Variants in SSUH2 observed in about 807,000 individuals in gnomAD.
SSUH2 encodes protein SSUH2 homolog.
In SSUH2, 47 loss-of-function variants were observed where a neutral mutation model predicts 55.3. The ratio of observed to expected loss-of-function variants is 0.85; its 90% CI spans 0.67 to 1.08. The LOEUF is 1.08. Ranked by LOEUF, SSUH2 falls within the 50% of genes least tolerant of loss-of-function variation. The pLI is 0.00. For missense variants in SSUH2, 535 were observed against 490.7 expected, an observed-to-expected ratio of 1.09 and a Z score of -0.85; for synonymous variants, 212 against 191.5, an observed-to-expected ratio of 1.11 and a Z score of -0.89.
intron 1 of SSUH2, among the ~76,000 whole-genome samples, chr3:8,680,813 T>G (rs750379252): frequency 6.6e-6 from 1 of 152,038 alleles, no homozygotes; most frequent in African/African-American, 2.4e-5. Flanking sequence ...GAAAGAATAT[T>G]GCAGGGTGGG....
chr3:8,621,928 CA>C lies in SSUH2; in HGVS notation c.981+1620del, dbSNP rs370238820. The stretch of plus-strand genomic sequence containing the variant: ...GAGAGCATGGCAATACCAGCCCCCC[CA>C]CAACCCCCGCAATCCCCCTGCCTCT... On this transcript the variant is annotated intron_variant, in intron 11 of 11. Transcript: ENST00000544814. Among the ~76,000 whole-genome samples the C allele has an allele frequency of 8.4e-3, 1,273 of 152,026 alleles. 34 individuals carry two copies. Among genetic ancestry groups the C allele is most frequent in the African/African-American group, 0.029 (1,218 of 41,392 alleles).
intron 5 of SSUH2, among the ~76,000 whole-genome samples, chr3:8,669,758 T>G (rs1559531683): frequency 6.6e-6 from 1 of 152,228 alleles, no homozygotes; most frequent in East Asian, 1.9e-4. Context: ...TGAGAAAACA[T>G]GACAAACCCA....
intron 1 of SSUH2, among the ~76,000 whole-genome samples, chr3:8,643,962 C>T (rs1323886988): frequency 6.6e-6 from 1 of 152,210 alleles, no homozygotes; most frequent in African/African-American, 2.4e-5. Flanking sequence ...CCTCCCACTT[C>T]TCAGTCTCAT....
At chr3:8,633,447 G>A (rs1171910057) in intron 4 of SSUH2, among the ~76,000 whole-genome samples, 3 of 152,104 alleles carry the variant, frequency 2.0e-5, no homozygotes, top group Non-Finnish European at 2.9e-5. Flanking sequence ...GGCATGAGCC[G>A]CCGCACCCGG....
rs1327730520 is a variant in SSUH2, at chr3:8,635,389, A to C, written c.128-8T>G. On this transcript the variant is annotated splice_region_variant and splice_polypyrimidine_tract_variant and intron_variant, in intron 2 of 11. Transcript: ENST00000544814. ...GGAAGAATATCTGTCCTCCTGGAGA[A>C]GGGAAGAGTCAGGGGCTGGACAGCC... is the stretch of plus-strand genomic sequence containing the variant. 6 of 1,534,548 alleles carry C rather than the reference A, an allele frequency of 3.9e-6. No individual in the cohort carries two copies. The highest frequency in any genetic ancestry group is 5.2e-6 in the Non-Finnish European group (6 of 1,145,574).
At chr3:8,672,723 AG>A (rs76670228) in intron 3 of SSUH2, among the ~76,000 whole-genome samples, 20,720 of 152,056 alleles carry the variant, frequency 0.14, 1,865 homozygotes, top group African/African-American at 0.26. Flanking sequence ...TCCGGATATT[AG>A]GAACAATGTC....
At chr3:8,680,903 T>C (rs755044401) in intron 1 of SSUH2, among the ~76,000 whole-genome samples, 2 of 152,024 alleles carry the variant, frequency 1.3e-5, no homozygotes, top group Non-Finnish European at 2.9e-5. Context: ...TTCAGGATAT[T>C]AATAACAATT....
At chr3:8,658,523 C>A (rs1206766764) in intron 7 of SSUH2, among the ~76,000 whole-genome samples, 3 of 152,206 alleles carry the variant, frequency 2.0e-5, no homozygotes, top group Non-Finnish European at 4.4e-5. Flanking sequence ...TGCGTAAACT[C>A]TGTGATGCAT....
At chr3:8,623,948 G>T (rs548445504) in intron 10 of SSUH2, among the ~76,000 whole-genome samples, 1 of 152,336 alleles carries the variant, frequency 6.6e-6, no homozygotes, top group Admixed American at 6.5e-5. Flanking sequence ...GTCCCCGTCA[G>T]TGTGGACTCG....
chr3:8,651,508 A>T (rs540377099), intron 7 of SSUH2, among the ~76,000 whole-genome samples: 1 of 152,282 alleles, frequency 6.6e-6, no homozygotes, highest in East Asian at 1.9e-4. Flanking sequence ...TGTTGCCCTG[A>T]GGTCCCCAGA....
At chr3:8,674,608 G>A (rs779056097) in intron 3 of SSUH2, among the ~76,000 whole-genome samples, 1 of 152,086 alleles carries the variant, frequency 6.6e-6, no homozygotes, top group Non-Finnish European at 1.5e-5. Flanking sequence ...TGCTTGCCTC[G>A]GACTTGTACT....
At chr3:8,676,721 C>T (rs1386085554) in intron 3 of SSUH2, among the ~76,000 whole-genome samples, 8 of 36,674 alleles carry the variant, frequency 2.2e-4, no homozygotes, top group African/African-American at 2.8e-4. Flanking sequence ...ACACAGCCTG[C>T]GATGCTGGAA....
At chr3:8,665,638 GT>G (rs1367308441) in intron 5 of SSUH2, among the ~76,000 whole-genome samples, 3 of 150,984 alleles carry the variant, frequency 2.0e-5, no homozygotes, top group East Asian at 2.0e-4. Context: ...GCAACCCAAA[GT>G]CCCCCCCGTT....
upstream of SSUH2, among the ~76,000 whole-genome samples, chr3:8,648,607 C>T (rs1032876544): frequency 2.6e-5 from 4 of 152,072 alleles, no homozygotes; most frequent in Non-Finnish European, 5.9e-5. Context: ...AATGAGTGCT[C>T]ACCAAAGCAC....
At chr3:8,670,088 G>A (rs760393152) in intron 5 of SSUH2, among the ~76,000 whole-genome samples, 51 of 145,058 alleles carry the variant, frequency 3.5e-4, no homozygotes, top group Non-Finnish European at 4.6e-4. Flanking sequence ...CATATCCCTA[G>A]GCCCCCCAGA....
intron 7 of SSUH2, among the ~76,000 whole-genome samples, chr3:8,653,604 T>C (rs867282958): frequency 1.2e-4 from 19 of 152,228 alleles, no homozygotes; most frequent in Admixed American, 2.0e-4. Context: ...CACAATCCGG[T>C]TTAAATTCAG....
In SSUH2 at chr3:8,635,275, T is replaced by A. The variant is rs751921584; in HGVS notation, c.209+25A>T. On this transcript the variant is annotated intron_variant, in intron 3 of 11. Transcript: ENST00000544814. ...ATAGTGACATAGGAAATGCACACAG[T>A]CACAGAGTACAACCTGAAACTCACC... The A allele has an allele frequency of 5.9e-6, 9 of 1,521,100 alleles. No individual in the cohort carries two copies. The African/African-American group carries it at 1.2e-4, about 21-fold the overall frequency. 94.2% of individuals were successfully genotyped at this position (1,521,100 alleles called of 1,614,324 possible).
chr3:8,637,889 G>GTT (rs1700182668), intron 1 of SSUH2, among the ~76,000 whole-genome samples: 1 of 152,130 alleles, frequency 6.6e-6, no homozygotes, highest in Non-Finnish European at 1.5e-5. Flanking sequence ...CCTATTTAAA[G>GTT]CCCGTAGTAG....
chr3:8,624,192 G>A (rs945106177), intron 10 of SSUH2, among the ~76,000 whole-genome samples: 1 of 152,058 alleles, frequency 6.6e-6, no homozygotes, highest in African/African-American at 2.4e-5. Flanking sequence ...CACATATTAA[G>A]GGCAAGCATA....
Sources: allele counts gnomAD v4.1 joint callset (sites outside exome capture counted in the v4.1 genomes callset), GRCh38; gene constraint gnomAD v4.1.1; transcripts MANE v1.5; gene names NCBI Gene and HGNC (gene_info 2026-07-23, HGNC 2026-07-21).